CDK1: variants seen among roughly 807,000 people sequenced by gnomAD.
CDK1 encodes cyclin-dependent kinase 1.
CDK1 carries 5 observed loss-of-function variants against 34.6 expected under a neutral mutation model. That is an observed-to-expected ratio of 0.14 (90% confidence interval 0.08 to 0.30). The LOEUF (loss-of-function observed/expected upper bound fraction) is 0.30, where lower values mean the gene tolerates loss of function less well. CDK1 is among the 10% of genes least tolerant of loss of function. The probability of loss-of-function intolerance (pLI) is 1.00; values close to 1 mark genes in which losing one functional copy is unlikely to be tolerated. For missense variants in CDK1, 157 were observed against 345.7 expected (o/e 0.45, Z 4.33); for synonymous variants, 108 against 114.7 (o/e 0.94, Z 0.37).
intron 5 of CDK1, among the ~76,000 whole-genome samples, chr10:60,789,470 A>G (rs2080340682): frequency 6.6e-6 from 1 of 152,212 alleles, no homozygotes; most frequent in Admixed American, 6.5e-5. Context: ...TATGAGTGAA[A>G]ACATGTGGTA....
rs1378518108 is a variant in CDK1, at chr10:60,780,335, A to G, written c.37+133A>G. ...TTGTAGTACCAGTGTGCATTAACAT[A>G]TGTTCTTTACTTAATAAACGCAAAT... On this transcript the variant is annotated intron_variant, in intron 2 of 7. Transcript: ENST00000395284. The G allele has an allele frequency of 6.3e-6, 4 of 635,918 alleles. No homozygotes were observed. The African/African-American group carries it at 7.4e-5, about 12-fold the overall frequency. The allele number at this position is 635,918 out of a possible 1,614,324, so 39.4% of individuals were successfully genotyped here.
chr10:60,792,303 T>C lies in CDK1; in HGVS notation c.795+14T>C, dbSNP rs2080366359. 1.3e-6 allele frequency: 2 copies of C among 1,582,134 alleles called. No individual in the cohort carries two copies. Among genetic ancestry groups the C allele is most frequent in the Non-Finnish European group, 1.7e-6 (2 of 1,169,422 alleles). On this transcript the variant is annotated intron_variant, in intron 7 of 7. Transcript: ENST00000395284. ...GATTTGCTCTCGGTAAGGAGTGCCC[T>C]TGATACTGACTTTCAAATTATTGAT...
intron 4 of CDK1, chr10:60,786,414 C>A: frequency 2.8e-6 from 2 of 723,674 alleles, no homozygotes; most frequent in African/African-American, 1.9e-5. Context: ...ATTATCAAGA[C>A]GTAGATCTAC....
intron 3 of CDK1, 112 bp downstream of exon 3, chr10:60,784,973 G>A: frequency 1.1e-6 from 1 of 889,654 alleles, no homozygotes; most frequent in Non-Finnish European, 1.7e-6. Flanking sequence ...TTACTGAGTG[G>A]ACTAGAACCC....
chr10:60,784,603 C>G (rs1329444853), intron 2 of CDK1, 102 bp from the exon 3 acceptor site: 9 of 994,692 alleles, frequency 9.0e-6, no homozygotes, highest in Non-Finnish European at 1.3e-5. Flanking sequence ...GCACTCCAAC[C>G]TGGACAAGAA....
chr10:60,787,603 T>G (rs2080327303), intron 4 of CDK1: 1 of 152,066 alleles, frequency 6.6e-6, no homozygotes, highest in Non-Finnish European at 1.5e-5. Context: ...GATAATTTTA[T>G]CCATTGAAAT....
rs1333346022 is a variant in CDK1 at position 60,794,497 on chromosome 10, AT to A, written c.*525del. On this transcript the variant is annotated 3_prime_UTR_variant, in exon 8 of 8. Coordinates refer to ENST00000395284, the MANE Select transcript of CDK1 (RefSeq NM_001786.5). Reference sequence around the variant, plus strand: ...CATTCGGAATGAGAAAACTATACAGATTTGAGAAATGATGCTAAATTTATAG... The same window carrying A: ...CATTCGGAATGAGAAAACTATACAGATTGAGAAATGATGCTAAATTTATAG... 5.4e-5 allele frequency: 8 copies of A among 149,150 alleles called. No individual in the cohort carries two copies. The highest frequency in any genetic ancestry group is 2.0e-4 in the African/African-American group (8 of 40,886). The allele number at this position is 149,150 out of a possible 1,614,324, so 9.2% of individuals were successfully genotyped here. A position where few individuals can be genotyped will look rare whatever the true frequency, so the allele number is the denominator to read the frequency against.
At chr10:60,785,526 G>C (rs1027918318) in intron 3 of CDK1, 138 bp from the exon 4 acceptor site, 2 of 573,916 alleles carry the variant, frequency 3.5e-6, no homozygotes, top group African/African-American at 1.9e-5. Flanking sequence ...TGAGTTTTGA[G>C]TCTCTTCCAT....
At chr10:60,785,323 G>A (rs938985224) in intron 3 of CDK1, among the ~76,000 whole-genome samples, 1 of 152,190 alleles carries the variant, frequency 6.6e-6, no homozygotes, top group African/African-American at 2.4e-5. Context: ...TGGGGCTAGA[G>A]ATTGGAAGTA....
At chr10:60,792,346 G>C (rs1271629882) in intron 7 of CDK1, 57 bp downstream of exon 7, 2 of 1,478,134 alleles carry the variant, frequency 1.4e-6, no homozygotes, top group Non-Finnish European at 1.8e-6. Context: ...AATATATTCA[G>C]TTCTTTGTTT....
At chr10:60,789,907 A>G (rs1185083159) in intron 5 of CDK1, among the ~76,000 whole-genome samples, 3 of 152,092 alleles carry the variant, frequency 2.0e-5, no homozygotes, top group Admixed American at 1.3e-4. Context: ...CATCCTTATC[A>G]GCACTTATTT....
In CDK1 at chr10:60,780,325, G is replaced by A. The variant is rs561783531; in HGVS notation, c.37+123G>A. Reference sequence around the variant, plus strand: ...TTAAGTTGTCTTGTAGTACCAGTGTGCATTAACATATGTTCTTTACTTAAT... The same window carrying A: ...TTAAGTTGTCTTGTAGTACCAGTGTACATTAACATATGTTCTTTACTTAAT... On this transcript the variant is annotated intron_variant, in intron 2 of 7. Coordinates refer to ENST00000395284, the MANE Select transcript of CDK1 (RefSeq NM_001786.5). The A allele has an allele frequency of 1.4e-3, 896 of 653,412 alleles. 1 individual carries two copies. Among genetic ancestry groups the A allele is most frequent in the Non-Finnish European group, 2.2e-3 (799 of 366,972 alleles). The allele number at this position is 653,412 out of a possible 1,614,324, so 40.5% of individuals were successfully genotyped here.
At chr10:60,788,270 G>C in intron 5 of CDK1, 40 bp downstream of exon 5, 1 of 1,275,532 alleles carries the variant, frequency 7.8e-7, no homozygotes, top group Non-Finnish European at 1.1e-6. Flanking sequence ...TTGAATGTGT[G>C]TGATTGCTAG....
chr10:60,786,412 GACGTAGATCT>G, intron 4 of CDK1: 1 of 729,140 alleles, frequency 1.4e-6, no homozygotes, highest in Non-Finnish European at 1.7e-6. Context: ...ACATTATCAA[GACGTAGATCT>G]ACCTATGTCT....
At position 60,793,969 on chromosome 10, in the gene CDK1, G is replaced by A. The variant is rs778994173; in HGVS notation, c.888G>A (p.Lys296=). ...YFNDLDNQIK[K]M is the part of the protein sequence containing the mutation. ...ATGATTTGGACAATCAGATTAAGAA[G>A]ATGTAGCTTTCTGACAAAAAGTTTC... The change falls in exon 8 of 8, where the codon AAG becomes AAA. Residue 296 remains lysine, a synonymous_variant. Coordinates refer to ENST00000395284, the MANE Select transcript of CDK1 (RefSeq NM_001786.5). 4 of 1,500,950 alleles carry A rather than the reference G, an allele frequency of 2.7e-6. No homozygotes were observed. The highest frequency in any genetic ancestry group is 2.9e-5 in the African/African-American group (2 of 68,036). 93.0% of individuals were successfully genotyped at this position (1,500,950 alleles called of 1,614,324 possible).
At chr10:60,783,872 T>C (rs1429824525) in intron 2 of CDK1, among the ~76,000 whole-genome samples, 2 of 152,080 alleles carry the variant, frequency 1.3e-5, no homozygotes, top group African/African-American at 4.8e-5. Flanking sequence ...CAATGTGCTT[T>C]ATTAGGTTTA....
rs753497641 is a variant in CDK1 at position 60,792,135 on chromosome 10, T to C, written c.654-13T>C. The stretch of plus-strand genomic sequence containing the variant: ...TTTATGCTTTAAGAAATTTTTAATT[T>C]CCTGTTTTTTAGAGCTTTGGGCACT... On this transcript the variant is annotated splice_polypyrimidine_tract_variant and intron_variant, in intron 6 of 7. Coordinates refer to ENST00000395284, the MANE Select transcript of CDK1 (RefSeq NM_001786.5). 1.2e-6 allele frequency: 2 copies of C among 1,601,334 alleles called. No homozygotes were observed. Among genetic ancestry groups the C allele is most frequent in the East Asian group, 4.5e-5 (2 of 44,796 alleles).
chr10:60,789,854 T>G (rs1315711764), intron 5 of CDK1, among the ~76,000 whole-genome samples: 1 of 152,220 alleles, frequency 6.6e-6, no homozygotes, highest in African/African-American at 2.4e-5. Flanking sequence ...CTCTACTAAT[T>G]TAAGAGCCCA....
rs1366845748 is a variant in CDK1, at chr10:60,794,040, GT to G, written c.*66del. The G allele has an allele frequency of 1.3e-6, 1 of 767,184 alleles. No homozygotes were observed. The highest frequency in any genetic ancestry group is 2.1e-6 in the Non-Finnish European group (1 of 466,742). 47.5% of individuals were successfully genotyped at this position (767,184 alleles called of 1,614,324 possible). The stretch of plus-strand genomic sequence containing the variant: ...AGTTGTGTTTTTATTGTTAACTCTT[GT>G]CTATTTTTGTCTTATATATATTTCT... On this transcript the variant is annotated 3_prime_UTR_variant, in exon 8 of 8. Coordinates refer to ENST00000395284, the MANE Select transcript of CDK1 (RefSeq NM_001786.5).
Sources: allele counts gnomAD v4.1 joint callset (sites outside exome capture counted in the v4.1 genomes callset), GRCh38; gene constraint gnomAD v4.1.1; transcripts MANE v1.5; gene names NCBI Gene and HGNC (gene_info 2026-07-23, HGNC 2026-07-21).